Variants in CELF4 observed in about 807,000 individuals in gnomAD.
CELF4 encodes the protein CUGBP Elav-like family member 4.
A neutral mutation model predicts 59.9 loss-of-function variants in CELF4; 18 were observed. That is an observed-to-expected ratio of 0.30 (90% CI 0.21 to 0.45). The LOEUF is 0.45. Ranked by LOEUF, CELF4 falls within the 20% of genes least tolerant of loss-of-function variation. CELF4 has a pLI of 1.00. For synonymous variants in CELF4, 261 were observed against 267.1 expected (o/e 0.98, Z 0.22); for missense variants, 456 against 689.0 (o/e 0.66, Z 3.79).
intron 2 of CELF4, among the ~76,000 whole-genome samples, chr18:37,324,654 T>C (rs1165180947): frequency 6.6e-6 from 1 of 152,192 alleles, no homozygotes; most frequent in East Asian, 1.9e-4. Flanking sequence ...AGGAGCTCCC[T>C]GTTTTCCATT....
intron 1 of CELF4, among the ~76,000 whole-genome samples, chr18:37,525,074 C>T (rs951821965): frequency 1.2e-4 from 19 of 152,294 alleles, no homozygotes; most frequent in African/African-American, 4.3e-4. Context: ...CAGCCGACCA[C>T]CCTTCTGGTA....
intron 2 of CELF4, among the ~76,000 whole-genome samples, chr18:37,433,189 G>A (rs76379778): frequency 1.9e-4 from 29 of 152,294 alleles, no homozygotes; most frequent in African/African-American, 7.0e-4. Flanking sequence ...AAGTGACTGT[G>A]TCCCTAGGAA....
chr18:37,344,949 GCCTGTAGC>G (rs1430145105), intron 2 of CELF4, among the ~76,000 whole-genome samples: 1 of 152,182 alleles, frequency 6.6e-6, no homozygotes, highest in Non-Finnish European at 1.5e-5. Flanking sequence ...TCCCATCAAT[GCCTGTAGC>G]CCCCAGTTCT....
At chr18:37,336,744 G>A (rs1286139931) in intron 2 of CELF4, among the ~76,000 whole-genome samples, 1 of 152,204 alleles carries the variant, frequency 6.6e-6, no homozygotes, top group Non-Finnish European at 1.5e-5. Context: ...ACCTGAAGCT[G>A]GCCAGCGTGC....
intron 2 of CELF4, among the ~76,000 whole-genome samples, chr18:37,412,703 GA>G (rs1193211337): frequency 6.6e-6 from 1 of 152,174 alleles, no homozygotes; most frequent in East Asian, 1.9e-4. Context: ...TGAATGAATG[GA>G]TGTTACTTCT....
chr18:37,507,730 C>G (rs2154604153), intron 1 of CELF4, among the ~76,000 whole-genome samples: 1 of 152,332 alleles, frequency 6.6e-6, no homozygotes, highest in Admixed American at 6.5e-5. Context: ...TCACAGGAAT[C>G]ACAGCGGCTC....
At chr18:37,316,778 G>A (rs1262796799) in intron 3 of CELF4, among the ~76,000 whole-genome samples, 3 of 152,070 alleles carry the variant, frequency 2.0e-5, no homozygotes, top group Non-Finnish European at 2.9e-5. Context: ...TCCTTGTCCA[G>A]CCTAGCCCTG....
At chr18:37,460,350 G>C (rs997498938) in intron 2 of CELF4, among the ~76,000 whole-genome samples, 4 of 152,162 alleles carry the variant, frequency 2.6e-5, no homozygotes, top group African/African-American at 9.7e-5. Flanking sequence ...TGCTGAGCGA[G>C]GGGTTCCTGA....
intron 12 of CELF4, among the ~76,000 whole-genome samples, chr18:37,251,562 C>T (rs761038283): frequency 6.6e-6 from 1 of 152,222 alleles, no homozygotes; most frequent in Non-Finnish European, 1.5e-5. Flanking sequence ...CCCAAATCCT[C>T]TAGTTGACTC....
Position 37,266,589 on chromosome 18 carries a change from G to T in CELF4, c.1109C>A (p.Pro370His). ...CTGCTGCAGGGGGTCCGCGGCGGTG[G>T]GGCTCTGTGCTGTAGGGAGCCAAGG... ...NGIHPYPAQS[P>H]TAADPLQQAY... Residue 370 changes from proline (P) to histidine (H), a missense_variant, in exon 9 of 13, where the codon CCC becomes CAC. Pro to His is a moderately conservative substitution (Grantham distance 77, BLOSUM62 -2). Around this residue, in one of 7 missense-constraint regions of CELF4, gnomAD observed 256 missense variants for 340.8 expected, o/e 0.75. Transcript: ENST00000420428. 6.3e-7 allele frequency: 1 copy of T among 1,590,728 alleles called. No homozygotes were observed. The highest frequency in any genetic ancestry group is 1.8e-5 in the Admixed American group (1 of 55,602).
At chr18:37,489,320 GC>G (rs1474976604) in intron 1 of CELF4, among the ~76,000 whole-genome samples, 1 of 152,258 alleles carries the variant, frequency 6.6e-6, no homozygotes, top group Admixed American at 6.5e-5. Context: ...TGAGGGCAGA[GC>G]CCTGGGGGCA....
chr18:37,528,449 G>C (rs190142197), intron 1 of CELF4, among the ~76,000 whole-genome samples: 5 of 152,260 alleles, frequency 3.3e-5, no homozygotes, highest in African/African-American at 1.2e-4. Flanking sequence ...GGGGGGTCTG[G>C]CTATGGCAAT....
intron 2 of CELF4, among the ~76,000 whole-genome samples, chr18:37,422,609 T>A (rs2099584968): frequency 6.6e-6 from 1 of 152,106 alleles, no homozygotes; most frequent in Admixed American, 6.5e-5. Flanking sequence ...TGGGAGTGAA[T>A]GTGTGCCCGA....
intron 7 of CELF4, among the ~76,000 whole-genome samples, 179 bp downstream of exon 7, chr18:37,272,837 T>G (rs2091946901): frequency 6.6e-6 from 1 of 152,210 alleles, no homozygotes; most frequent in South Asian, 2.1e-4. Flanking sequence ...TCATCTTCCC[T>G]TGGATCCCCA....
intron 2 of CELF4, among the ~76,000 whole-genome samples, chr18:37,413,248 G>T (rs544099890): frequency 6.6e-6 from 1 of 152,344 alleles, no homozygotes; most frequent in African/African-American, 2.4e-5. Flanking sequence ...GTCTGCGTGT[G>T]TTCACGTGTG....
chr18:37,378,574 C>T (rs995389092), intron 2 of CELF4, among the ~76,000 whole-genome samples: 16 of 152,164 alleles, frequency 1.1e-4, no homozygotes, highest in Admixed American at 2.6e-4. Context: ...ACAACACTAG[C>T]GACAGGCAAG....
At chr18:37,304,975 G>C (rs2096302096) in intron 3 of CELF4, among the ~76,000 whole-genome samples, 2 of 152,228 alleles carry the variant, frequency 1.3e-5, no homozygotes, top group Admixed American at 6.5e-5. Flanking sequence ...GGGGGAGCAT[G>C]GCTCAGGGAT....
chr18:37,308,077 C>A (rs1171338219), intron 3 of CELF4, among the ~76,000 whole-genome samples: 1 of 152,042 alleles, frequency 6.6e-6, no homozygotes, highest in East Asian at 1.9e-4. Context: ...GCTCCTGAAC[C>A]TACAGTCTAA....
intron 1 of CELF4, among the ~76,000 whole-genome samples, chr18:37,563,182 G>A (rs2099987101): frequency 6.6e-6 from 1 of 151,682 alleles, no homozygotes; most frequent in Non-Finnish European, 1.5e-5. Context: ...TATTATATGA[G>A]AGAGTCCAAA....
Sources: gnomAD v4.1 joint callset for allele counts (sites outside exome capture counted in the v4.1 genomes callset) on GRCh38, gnomAD v4.1.1 for gene constraint, gnomAD v4.1.1 regional missense constraint, MANE v1.5 for transcripts, NCBI Gene and HGNC (gene_info 2026-07-23, HGNC 2026-07-21) for gene names.